Variants in RXFP1 observed in about 807,000 individuals in gnomAD.
The protein encoded by RXFP1 is relaxin family peptide receptor 1, also known as relaxin receptor 1.
In RXFP1, 73 loss-of-function variants were observed where a neutral mutation model predicts 89.8. That is an observed-to-expected ratio of 0.81 (90% CI 0.67 to 0.99). The LOEUF (loss-of-function observed/expected upper bound fraction) is 0.99, where lower values mean the gene tolerates loss of function less well. RXFP1 is among the 50% of genes least tolerant of loss of function. The pLI is 0.00. For missense variants in RXFP1, 793 were observed against 895.5 expected, an observed-to-expected ratio of 0.89 and a Z score of 1.46; for synonymous variants, 277 against 305.5, an observed-to-expected ratio of 0.91 and a Z score of 0.97.
intron 2 of RXFP1, among the ~76,000 whole-genome samples, chr4:158,579,381 G>A (rs1302422455): frequency 6.6e-6 from 1 of 152,158 alleles, no homozygotes; most frequent in African/African-American, 2.4e-5. Context: ...CAATTCTCCT[G>A]CCTCAGCCTC....
At chr4:158,551,380 A>G (rs1750072651) in intron 1 of RXFP1, among the ~76,000 whole-genome samples, 1 of 152,212 alleles carries the variant, frequency 6.6e-6, no homozygotes, top group Non-Finnish European at 1.5e-5. Flanking sequence ...GGACCAAGCA[A>G]GTGACTGAAA....
chr4:158,572,750 T>C lies in RXFP1; in HGVS notation c.102T>C (p.Cys34=). The C allele has an allele frequency of 6.2e-7, 1 of 1,614,184 alleles. No individual in the cohort carries two copies. Residue 34 remains cysteine (C), a synonymous_variant, in exon 2 of 18, where the codon TGT becomes TGC. Coordinates refer to ENST00000307765, the MANE Select transcript of RXFP1 (RefSeq NM_021634.4). ...DVKCSLGYFP[C]GNITKCLPQL... is the part of the protein sequence containing the mutation. ...AGTGCTCCCTTGGCTATTTCCCCTG[T>C]GGGAACATCACAAAGTGCTTGCCTC...
At chr4:158,566,002 G>A (rs993427949) in intron 1 of RXFP1, among the ~76,000 whole-genome samples, 2 of 152,168 alleles carry the variant, frequency 1.3e-5, no homozygotes, top group Non-Finnish European at 2.9e-5. Context: ...CAAAATAATT[G>A]ACTTGCATTT....
At position 158,651,771 on chromosome 4, in the gene RXFP1, T is replaced by G; in HGVS notation, c.1990T>G (p.Trp664Gly). The G allele has an allele frequency of 1.2e-6, 2 of 1,610,542 alleles. No individual in the cohort carries two copies. Among genetic ancestry groups the G allele is most frequent in the Non-Finnish European group, 1.7e-6 (2 of 1,178,290 alleles). The change falls in exon 18 of 18, where the codon TGG becomes GGG. Residue 664 changes from tryptophan (W) to glycine (G), a missense_variant. Transcript: ENST00000307765. ...TTCTTTTTTAGGTACCATAACCTCT[T>G]GGGTAGTGATTTTTATTCTGCCCAT... ...QVEIPGTITS[W>G]VVIFILPINS... is the part of the protein sequence containing the mutation.
intron 1 of RXFP1, among the ~76,000 whole-genome samples, chr4:158,524,311 C>G (rs1027364460): frequency 2.0e-5 from 3 of 152,140 alleles, no homozygotes; most frequent in East Asian, 3.8e-4. Flanking sequence ...GCTTTGAAAA[C>G]TATAAAGCCC....
intron 15 of RXFP1, chr4:158,646,405 G>A (rs1580327255): frequency 2.0e-6 from 2 of 1,011,866 alleles, no homozygotes; most frequent in Non-Finnish European, 2.7e-6. Context: ...AATTTCAGTG[G>A]AAGAGCAGAA....
intron 16 of RXFP1, 118 bp downstream of exon 16, chr4:158,647,319 A>T: frequency 1.3e-6 from 1 of 782,494 alleles, no homozygotes; most frequent in South Asian, 2.1e-5. Flanking sequence ...TTCCTCCCCA[A>T]ATTATACTCT....
chr4:158,641,097 C>T (rs1272903034), intron 14 of RXFP1, among the ~76,000 whole-genome samples: 2 of 152,218 alleles, frequency 1.3e-5, no homozygotes, highest in Non-Finnish European at 2.9e-5. Flanking sequence ...AAGTCTAACA[C>T]AGAACCCTGT....
intron 1 of RXFP1, among the ~76,000 whole-genome samples, chr4:158,567,876 T>G (rs1342266264): frequency 6.6e-6 from 1 of 152,226 alleles, no homozygotes; most frequent in Non-Finnish European, 1.5e-5. Flanking sequence ...AAGTCAGCAG[T>G]GGCAACCCGC....
intron 12 of RXFP1, among the ~76,000 whole-genome samples, chr4:158,636,726 A>G (rs1194310247): frequency 6.6e-6 from 1 of 152,226 alleles, no homozygotes; most frequent in Non-Finnish European, 1.5e-5. Flanking sequence ...TAACATATGC[A>G]TCATCTCACA....
At position 158,648,661 on chromosome 4, in the gene RXFP1, G is replaced by T. The variant is rs749519361; in HGVS notation, c.1919G>T (p.Cys640Phe). Residue 640 changes from cysteine to phenylalanine, a missense_variant, in exon 17 of 18, where the codon TGC becomes TTC. Coordinates refer to ENST00000307765, the MANE Select transcript of RXFP1 (RefSeq NM_021634.4). ...FFFIVFTDAL[C>F]WIPIFVVKFL... ...TTTATAGTATTTACTGATGCATTAT[G>T]CTGGATACCCATTTTTGTAGTGAAA... 1 of 1,612,104 alleles carries T rather than the reference G, an allele frequency of 6.2e-7. No individual in the cohort carries two copies. Among genetic ancestry groups the T allele is most frequent in the South Asian group, 1.1e-5 (1 of 90,576 alleles).
At chr4:158,550,045 C>G (rs552757098) in intron 1 of RXFP1, among the ~76,000 whole-genome samples, 1 of 152,356 alleles carries the variant, frequency 6.6e-6, no homozygotes, top group South Asian at 2.1e-4. Flanking sequence ...GCCCTGCCCC[C>G]AGAGGTGGAG....
Position 158,533,108 on chromosome 4 carries a change from C to T in RXFP1, c.49+11083C>T, listed in dbSNP as rs529488856. Among the ~76,000 whole-genome samples, 7 of 152,318 alleles carry T rather than the reference C, an allele frequency of 4.6e-5. No individual in the cohort carries two copies. The South Asian group carries it at 6.2e-4, about 14-fold the overall frequency. ...AGAGGTTGTGGAAAGACTGGATGTT[C>T]TGTGTCCTTCGTTACTGGATCTTAA... On this transcript the variant is annotated intron_variant, in intron 1 of 17. Transcript: ENST00000307765.
rs1383616190 is a variant in RXFP1 at position 158,652,688 on chromosome 4, ACTT to A, written c.*637_*639del. 2 of 152,232 alleles carry A rather than the reference ACTT, an allele frequency of 1.3e-5. No individual in the cohort carries two copies. Among genetic ancestry groups the A allele is most frequent in the Non-Finnish European group, 2.9e-5 (2 of 68,048 alleles). 9.4% of individuals were successfully genotyped at this position (152,232 alleles called of 1,614,324 possible). On this transcript the variant is annotated 3_prime_UTR_variant, in exon 18 of 18. Coordinates refer to ENST00000307765, the MANE Select transcript of RXFP1 (RefSeq NM_021634.4). ...GCTTTGCTAGAAACTCAAAAACAGC[ACTT>A]CTTTTGGCACTTCCTGCCCAGTTTT...
chr4:158,531,017 C>T (rs1209514873), intron 1 of RXFP1, among the ~76,000 whole-genome samples: 1 of 152,176 alleles, frequency 6.6e-6, no homozygotes. Flanking sequence ...ACGCCCTCTT[C>T]TGTTCTTCAA....
chr4:158,542,109 A>ATATATATATATTTTTTTTTTTT, intron 1 of RXFP1, among the ~76,000 whole-genome samples: 1 of 35,254 alleles, frequency 2.8e-5, no homozygotes, highest in African/African-American at 9.3e-5. Context: ...ATATATATAT[A>ATATATATATATTTTTTTTTTTT]TTTTTTTTTT....
At chr4:158,529,308 G>A (rs1448001355) in intron 1 of RXFP1, among the ~76,000 whole-genome samples, 1 of 151,774 alleles carries the variant, frequency 6.6e-6, no homozygotes, top group Non-Finnish European at 1.5e-5. Flanking sequence ...GCCCAGGCTG[G>A]AGTGCAGTGG....
intron 3 of RXFP1, among the ~76,000 whole-genome samples, chr4:158,597,217 G>A (rs1045619627): frequency 6.6e-6 from 1 of 152,058 alleles, no homozygotes; most frequent in East Asian, 1.9e-4. Context: ...ATTAAACTGA[G>A]CAAAGCTTAT....
chr4:158,627,457 A>G (rs1767084832), intron 10 of RXFP1, among the ~76,000 whole-genome samples: 1 of 151,862 alleles, frequency 6.6e-6, no homozygotes, highest in Admixed American at 6.6e-5. Context: ...AATAGATTAT[A>G]TCAGACTGCA....
Sources: gnomAD v4.1 joint callset for allele counts (sites outside exome capture counted in the v4.1 genomes callset) on GRCh38, gnomAD v4.1.1 for gene constraint, MANE v1.5 for transcripts, NCBI Gene and HGNC (gene_info 2026-07-23, HGNC 2026-07-21) for gene names.